ABCC5: variants seen among roughly 807,000 people sequenced by gnomAD.
ABCC5 encodes the protein ATP-binding cassette sub-family C member 5.
In ABCC5, 61 loss-of-function variants were observed where a neutral mutation model predicts 160.9. The ratio of observed to expected loss-of-function variants is 0.38; its 90% CI spans 0.31 to 0.47. ABCC5 has a LOEUF of 0.47. Among genes scored for constraint, ABCC5 ranks in the 20% least tolerant of loss-of-function variants. The pLI, the probability that ABCC5 is intolerant of heterozygous loss-of-function variation, is 0.99. For synonymous variants in ABCC5, 666 were observed against 700.6 expected (o/e 0.95, Z 0.78); for missense variants, 1,308 against 1,813.3 (o/e 0.72, Z 5.06).
At chr3:183,932,365 G>A (rs1713258437) in intron 26 of ABCC5, among the ~76,000 whole-genome samples, 2 of 152,222 alleles carry the variant, frequency 1.3e-5, no homozygotes, top group Non-Finnish European at 2.9e-5. Context: ...TAGATTGTGT[G>A]ACTTTCTTTT....
Position 183,951,649 on chromosome 3 carries a change from A to G in ABCC5, c.2815-79T>C. 1 of 1,559,940 alleles carries G rather than the reference A, an allele frequency of 6.4e-7. No individual in the cohort carries two copies. On this transcript the variant is annotated intron_variant, in intron 19 of 29. Coordinates refer to ENST00000334444, the MANE Select transcript of ABCC5 (RefSeq NM_005688.4). The surrounding 1 kb of genome is among the most constrained non-coding windows in gnomAD (Gnocchi z 4.7). Reference sequence around the variant, plus strand: ...GGTCCAGAGAACCGCTCCGCAGCACATCCACTCCCAAAGCGGGGAGGTGTG... The same window carrying G: ...GGTCCAGAGAACCGCTCCGCAGCACGTCCACTCCCAAAGCGGGGAGGTGTG...
intron 2 of ABCC5, among the ~76,000 whole-genome samples, chr3:184,013,389 G>A (rs1177583334): frequency 6.6e-6 from 1 of 152,028 alleles, no homozygotes; most frequent in East Asian, 1.9e-4. Context: ...GAGTAGCTGG[G>A]AGTACAGGTG....
chr3:183,935,940 T>C (rs374954118), intron 26 of ABCC5, among the ~76,000 whole-genome samples: 9 of 152,324 alleles, frequency 5.9e-5, no homozygotes, highest in Admixed American at 2.6e-4. Context: ...AAACATACTC[T>C]AGGGTGTTGA....
chr3:184,006,943 T>C (rs1034394063), intron 2 of ABCC5, among the ~76,000 whole-genome samples: 3 of 151,974 alleles, frequency 2.0e-5, no homozygotes, highest in Non-Finnish European at 4.4e-5. Context: ...TGACACACTT[T>C]TGAGAGAAGG....
chr3:183,992,528 G>A (rs1719857745), intron 2 of ABCC5, among the ~76,000 whole-genome samples: 1 of 152,208 alleles, frequency 6.6e-6, no homozygotes, highest in Non-Finnish European at 1.5e-5. Flanking sequence ...ATATACGCCT[G>A]TAATCCTAGC....
At chr3:183,972,282 A>T (rs1333647825) in intron 10 of ABCC5, among the ~76,000 whole-genome samples, 1 of 152,246 alleles carries the variant, frequency 6.6e-6, no homozygotes, top group Non-Finnish European at 1.5e-5. Context: ...AGCAAAGGGC[A>T]TGCTGACCTC....
rs375135577 is a variant in ABCC5 at position 183,950,096 on chromosome 3, T to C, written c.2974A>G (p.Met992Val). The change falls in exon 21 of 30, where the codon ATG (methionine) becomes GTG (valine). Residue 992 changes from methionine (M) to valine (V), a missense_variant. Met to Val is a conservative substitution (Grantham distance 21). This residue lies in a region of ABCC5 where 1,142 missense variants were observed against 1,527.1 expected (regional missense o/e 0.75). Coordinates refer to ENST00000334444, the MANE Select transcript of ABCC5 (RefSeq NM_005688.4). ...VDVRLPFQAEMFIQNVILVFF... is the reference protein window; with the variant it reads ...VDVRLPFQAEVFIQNVILVFF... ...ACCAGGATAACGTTCTGGATGAACA[T>C]CTCGGCCTGGAACGGCAGCCGCACG... The C allele has an allele frequency of 1.1e-5, 18 of 1,613,814 alleles. No homozygotes were observed. Among genetic ancestry groups the C allele is most frequent in the Non-Finnish European group, 1.4e-5 (17 of 1,179,974 alleles).
intron 10 of ABCC5, among the ~76,000 whole-genome samples, chr3:183,973,455 A>G (rs13093614): frequency 0.063 from 9,589 of 152,206 alleles, 318 homozygotes; most frequent in Middle Eastern, 0.092. Flanking sequence ...TAAACATTAC[A>G]AAATCTTTAG....
chr3:183,928,076 A>C, intron 27 of ABCC5, among the ~76,000 whole-genome samples: 1 of 151,096 alleles, frequency 6.6e-6, no homozygotes, highest in African/African-American at 2.4e-5. Flanking sequence ...CCATATGCAC[A>C]CTGTGTGCTT....
rs766822031 is a variant in ABCC5 at position 183,938,007 on chromosome 3, A to G, written c.3748T>C (p.Cys1250Arg). 1.9e-6 allele frequency: 3 copies of G among 1,614,094 alleles called. No individual in the cohort carries two copies. Among genetic ancestry groups the G allele is most frequent in the African/African-American group, 2.7e-5 (2 of 74,934 alleles). ...LFRLVELSGG[C>R]IKIDGVRISD... Reference sequence around the variant, plus strand: ...ATTCTCACTCCATCAATCTTGATGCAGCCTCCAGATAACTCCACCAGACGG... The same window carrying G: ...ATTCTCACTCCATCAATCTTGATGCGGCCTCCAGATAACTCCACCAGACGG... The change falls in exon 26 of 30, where the codon TGC becomes CGC. Residue 1250 changes from cysteine (C) to arginine (R), a missense_variant. Transcript: ENST00000334444.
intron 2 of ABCC5, among the ~76,000 whole-genome samples, chr3:184,012,160 A>G (rs1721807929): frequency 6.6e-6 from 1 of 152,134 alleles, no homozygotes; most frequent in African/African-American, 2.4e-5. Context: ...CCACTGGGGG[A>G]AACTGGATGA....
At chr3:183,927,488 T>C in intron 27 of ABCC5, 45 bp from the exon 28 acceptor site, 1 of 1,566,698 alleles carries the variant, frequency 6.4e-7, no homozygotes. Flanking sequence ...GAAACTAAGC[T>C]GAATTTCCTG....
At position 183,963,682 on chromosome 3, in the gene ABCC5, C is replaced by A; in HGVS notation, c.2032-94G>T. 2.6e-6 allele frequency: 3 copies of A among 1,170,158 alleles called. No individual in the cohort carries two copies. The highest frequency in any genetic ancestry group is 3.6e-6 in the Non-Finnish European group (3 of 823,806). The allele number at this position is 1,170,158 out of a possible 1,614,324, so 72.5% of individuals were successfully genotyped here. ...TCACTTCTCTTCTTGCCCACCCAGACCAGCTCCTTCTGTCAATTCCCCGCA... is the reference window on the plus strand; with the variant it reads ...TCACTTCTCTTCTTGCCCACCCAGAACAGCTCCTTCTGTCAATTCCCCGCA... On this transcript the variant is annotated intron_variant, in intron 14 of 29. Coordinates refer to ENST00000334444, the MANE Select transcript of ABCC5 (RefSeq NM_005688.4). The surrounding 1 kb of genome is among the most constrained non-coding windows in gnomAD (Gnocchi z 4.6).
At chr3:184,002,761 C>T (rs758757070) in intron 2 of ABCC5, among the ~76,000 whole-genome samples, 1 of 152,222 alleles carries the variant, frequency 6.6e-6, no homozygotes, top group Admixed American at 6.5e-5. Flanking sequence ...AATCGTTCCC[C>T]GTCTGAACAA....
Position 183,987,807 on chromosome 3 carries a change from C to T in ABCC5, c.554G>A (p.Cys185Tyr). The T allele has an allele frequency of 6.2e-7, 1 of 1,614,224 alleles. No homozygotes were observed. Among genetic ancestry groups the T allele is most frequent in the Non-Finnish European group, 8.5e-7 (1 of 1,180,046 alleles). Residue 185 changes from cysteine (C) to tyrosine (Y), a missense_variant, in exon 5 of 30, where the codon TGC (cysteine) becomes TAC (tyrosine). Coordinates refer to ENST00000334444, the MANE Select transcript of ABCC5 (RefSeq NM_005688.4). This position sits in a 1 kb window ranked among gnomAD's most constrained non-coding sequence, Gnocchi z 4.2. ...GCCAGCCAGCTGCGTGATCATCAGG[C>T]ACACGATGGACAGGATGAGCCTGGT... Reference protein sequence around the residue: ...CRTRLILSIVCLMITQLAGFS... With the variant: ...CRTRLILSIVYLMITQLAGFS...
Position 183,987,407 on chromosome 3 carries a change from A to T in ABCC5, c.591+363T>A. 1 of 506,408 alleles carries T rather than the reference A, an allele frequency of 2.0e-6. No individual in the cohort carries two copies. The highest frequency in any genetic ancestry group is 3.5e-6 in the Non-Finnish European group (1 of 285,168). 31.4% of individuals were successfully genotyped at this position (506,408 alleles called of 1,614,324 possible). A position where few individuals can be genotyped will look rare whatever the true frequency, so the allele number is the denominator to read the frequency against. On this transcript the variant is annotated intron_variant, in intron 5 of 29. Coordinates refer to ENST00000334444, the MANE Select transcript of ABCC5 (RefSeq NM_005688.4). This position sits in a 1 kb window ranked among gnomAD's most constrained non-coding sequence, Gnocchi z 4.2. ...CTTGGTATGTTCCCGGTGCTGGCTCACCAGCCCGGGCCACACAACGTGCTC... is the reference window on the plus strand; with the variant it reads ...CTTGGTATGTTCCCGGTGCTGGCTCTCCAGCCCGGGCCACACAACGTGCTC...
At position 183,984,044 on chromosome 3, in the gene ABCC5, CA is replaced by C. The variant is rs1397714319; in HGVS notation, c.592-1038del. The C allele has an allele frequency of 4.1e-6, 4 of 985,190 alleles. No homozygotes were observed. In the African/African-American group the frequency reaches 7.0e-5, roughly 17 times the overall value. 61.0% of individuals were successfully genotyped at this position (985,190 alleles called of 1,614,324 possible). On this transcript the variant is annotated intron_variant, in intron 5 of 29. Transcript: ENST00000334444. Reference sequence around the variant, plus strand: ...GGCTCCTGAGGTTGCAATGATTCTGCAACGGAGTAGATTCTCTAGGAAAAAA... The same window carrying C: ...GGCTCCTGAGGTTGCAATGATTCTGCACGGAGTAGATTCTCTAGGAAAAAA...
chr3:183,950,693 G>A (rs958619797), intron 20 of ABCC5, among the ~76,000 whole-genome samples: 9 of 152,170 alleles, frequency 5.9e-5, no homozygotes, highest in East Asian at 3.9e-4. Flanking sequence ...GAGCACATGC[G>A]TGTGTGTTTA....
rs775993579 is a variant in ABCC5, at chr3:183,942,867, G to T, written c.3554C>A (p.Pro1185His). Reference protein sequence around the residue: ...PARIKNKAPSPDWPQEGEVTF... With the variant: ...PARIKNKAPSHDWPQEGEVTF... ...CACCTCTCCCTCCTGGGGCCAGTCAGGGGAGGGAGCCTTGTTCTTAATTCT... is the reference window on the plus strand; with the variant it reads ...CACCTCTCCCTCCTGGGGCCAGTCATGGGAGGGAGCCTTGTTCTTAATTCT... Residue 1185 changes from proline (P) to histidine (H), a missense_variant, in exon 25 of 30, where the codon CCT (proline) becomes CAT (histidine). By Grantham distance (77) the Pro-to-His change is moderately conservative. Coordinates refer to ENST00000334444, the MANE Select transcript of ABCC5 (RefSeq NM_005688.4). 3 of 1,614,124 alleles carry T rather than the reference G, an allele frequency of 1.9e-6. No homozygotes were observed. The highest frequency in any genetic ancestry group is 1.1e-5 in the South Asian group (1 of 91,076).
Sources: gnomAD v4.1 joint callset for allele counts (sites outside exome capture counted in the v4.1 genomes callset) on GRCh38, gnomAD v4.1.1 for gene constraint, gnomAD v4.1.1 regional missense constraint, Gnocchi (gnomAD v3.1) non-coding constraint, MANE v1.5 for transcripts, NCBI Gene and HGNC (gene_info 2026-07-23, HGNC 2026-07-21) for gene names.